CEP41: variants seen among roughly 807,000 people sequenced by gnomAD.
CEP41 encodes centrosomal protein 41.
A neutral mutation model predicts 44.3 loss-of-function variants in CEP41; 32 were observed. The ratio of observed to expected loss-of-function variants is 0.72; its 90% CI spans 0.54 to 0.97. The LOEUF is 0.97. CEP41 is among the 50% of genes least tolerant of loss of function. The pLI is 0.00. For missense variants in CEP41, 432 were observed against 455.2 expected (o/e 0.95, Z 0.46); for synonymous variants, 151 against 168.5 (o/e 0.90, Z 0.80).
chr7:130,426,569 C>G, intron 2 of CEP41: 1 of 437,994 alleles, frequency 2.3e-6, no homozygotes, highest in Non-Finnish European at 4.5e-6. Flanking sequence ...TTATAGTAGT[C>G]TGTAAAATAA....
rs1554416620 is a variant in CEP41, at chr7:130,400,616, A to C, written c.757+91T>G. Reference sequence around the variant, plus strand: ...GGCTTTTTCTCTTTCCAGAACACTGAATTCTGAGCACCAAGAGAGAAAAGG... The same window carrying C: ...GGCTTTTTCTCTTTCCAGAACACTGCATTCTGAGCACCAAGAGAGAAAAGG... On this transcript the variant is annotated intron_variant, in intron 9 of 10. Transcript: ENST00000223208. 4.7e-6 allele frequency: 4 copies of C among 852,580 alleles called. No individual in the cohort carries two copies. In the African/African-American group the frequency reaches 5.0e-5, roughly 11 times the overall value. The allele number at this position is 852,580 out of a possible 1,614,324, so 52.8% of individuals were successfully genotyped here.
chr7:130,436,567 T>G (rs1225645225), intron 1 of CEP41, among the ~76,000 whole-genome samples: 1 of 148,598 alleles, frequency 6.7e-6, no homozygotes, highest in African/African-American at 2.5e-5. Context: ...TTTTCTAGTT[T>G]GATACTGTAC....
At position 130,402,695 on chromosome 7, in the gene CEP41, A is replaced by G; in HGVS notation, c.527T>C (p.Leu176Pro). ...GTAAGAATCTCTATCACGCACATCT[A>G]GCAGCAGGAAGGGGCAGTCAGGATA... ...KPYPDCPFLL[L>P]DVRDRDSYQQ... Residue 176 changes from leucine (L) to proline (P), a missense_variant, in exon 7 of 11, where the codon CTA becomes CCA. Transcript: ENST00000223208. The G allele has an allele frequency of 6.2e-7, 1 of 1,614,160 alleles. No homozygotes were observed. The highest frequency in any genetic ancestry group is 8.5e-7 in the Non-Finnish European group (1 of 1,180,022).
intron 2 of CEP41, among the ~76,000 whole-genome samples, chr7:130,424,914 AAGT>A (rs1797617303): frequency 6.6e-6 from 1 of 152,246 alleles, no homozygotes; most frequent in Admixed American, 6.5e-5. Flanking sequence ...ATGAAAAGAC[AAGT>A]TATGAACTAG....
chr7:130,418,645 T>C (rs1554421412), intron 2 of CEP41, among the ~76,000 whole-genome samples: 1 of 152,210 alleles, frequency 6.6e-6, no homozygotes, highest in Non-Finnish European at 1.5e-5. Flanking sequence ...ACCTGATTTG[T>C]CTGGTGGCAT....
chr7:130,425,991 G>A (rs1002074921), intron 2 of CEP41, among the ~76,000 whole-genome samples: 13 of 152,238 alleles, frequency 8.5e-5, no homozygotes, highest in African/African-American at 2.4e-4. Context: ...GGGCTAAGGG[G>A]TGGGAGTAGA....
Position 130,402,657 on chromosome 7 carries a change from T to C in CEP41, c.565A>G (p.Ile189Val), listed in dbSNP as rs782591147. The change falls in exon 7 of 11, where the codon ATT becomes GTT. Residue 189 changes from isoleucine to valine, a missense_variant. Coordinates refer to ENST00000223208, the MANE Select transcript of CEP41 (RefSeq NM_018718.3). Reference sequence around the variant, plus strand: ...GCCTTCTCTCTCTTACCTCCAACAATGTGGCACTGCTGGTAAGAATCTCTA... The same window carrying C: ...GCCTTCTCTCTCTTACCTCCAACAACGTGGCACTGCTGGTAAGAATCTCTA... The part of the protein sequence containing the change: ...RDRDSYQQCH[I>V]VGAYSYPIAT... 2.5e-6 allele frequency: 4 copies of C among 1,613,958 alleles called. No individual in the cohort carries two copies. The highest frequency in any genetic ancestry group is 2.7e-5 in the African/African-American group (2 of 74,896).
chr7:130,395,000 G>A lies in CEP41; in HGVS notation c.*3891C>T. ...AACAAAGAGGATCAGCAACAGAGAGGGGAGCCATCAGGGGATCACAATGTG... is the reference window on the plus strand; with the variant it reads ...AACAAAGAGGATCAGCAACAGAGAGAGGAGCCATCAGGGGATCACAATGTG... On this transcript the variant is annotated 3_prime_UTR_variant, in exon 11 of 11. Coordinates refer to ENST00000223208, the MANE Select transcript of CEP41 (RefSeq NM_018718.3). 1 of 454,060 alleles carries A rather than the reference G, an allele frequency of 2.2e-6. No homozygotes were observed. The allele number at this position is 454,060 out of a possible 1,614,324, so 28.1% of individuals were successfully genotyped here. A position where few individuals can be genotyped will look rare whatever the true frequency, so the allele number is the denominator to read the frequency against.
At chr7:130,399,649 C>T (rs868912709) in intron 10 of CEP41, 65 of 250,228 alleles carry the variant, frequency 2.6e-4, no homozygotes, top group African/African-American at 1.4e-3. Context: ...GAAACCCTGT[C>T]TCTACTTAAA....
rs563171867 is a variant in CEP41 at position 130,422,957 on chromosome 7, A to AT, written c.97+4997dup. Among the ~76,000 whole-genome samples the AT allele has an allele frequency of 2.2e-3, 335 of 152,200 alleles. 1 individual carries two copies. Among genetic ancestry groups the AT allele is most frequent in the Middle Eastern group, 0.014 (4 of 294 alleles). On this transcript the variant is annotated intron_variant, in intron 2 of 10. Coordinates refer to ENST00000223208, the MANE Select transcript of CEP41 (RefSeq NM_018718.3). ...ATAAAACAACTCTTTTTTTATTTTT[A>AT]TTTTTTGGAGACGGAGTCTCGCTCT...
At chr7:130,402,521 T>C in intron 7 of CEP41, 127 bp downstream of exon 7, 1 of 1,029,120 alleles carries the variant, frequency 9.7e-7, no homozygotes, top group African/African-American at 1.6e-5. Context: ...TAGGATTCCA[T>C]AATGGATCCA....
chr7:130,416,874 AAC>A, intron 3 of CEP41, 43 bp downstream of exon 3: 1 of 1,406,422 alleles, frequency 7.1e-7, no homozygotes, highest in Admixed American at 1.7e-5. Context: ...TTTATAGAAC[AAC>A]TATAGACTTC....
chr7:130,429,007 C>T (rs1402405681), intron 1 of CEP41, among the ~76,000 whole-genome samples: 1 of 152,138 alleles, frequency 6.6e-6, no homozygotes, highest in African/African-American at 2.4e-5. Flanking sequence ...CTGTTGCAAC[C>T]CACTGTAAGT....
At chr7:130,400,987 T>TG in intron 8 of CEP41, 166 bp from the exon 9 acceptor site, 1 of 634,632 alleles carries the variant, frequency 1.6e-6, no homozygotes, top group Non-Finnish European at 2.8e-6. Flanking sequence ...TTTCCCATCA[T>TG]GGAAACCACA....
At chr7:130,412,511 C>G (rs1797214049) in intron 3 of CEP41, among the ~76,000 whole-genome samples, 1 of 152,180 alleles carries the variant, frequency 6.6e-6, no homozygotes, top group African/African-American at 2.4e-5. Context: ...TTTTATTAGT[C>G]TACCATTTTC....
At position 130,394,454 on chromosome 7, in the gene CEP41, G is replaced by C. The variant is rs1796604598; in HGVS notation, c.*4437C>G. On this transcript the variant is annotated 3_prime_UTR_variant, in exon 11 of 11. Transcript: ENST00000223208. Reference sequence around the variant, plus strand: ...TATTTTCTGGAAATCTTCAAGATTTGAAACAAAAGAGAAAACCTACTCTTA... The same window carrying C: ...TATTTTCTGGAAATCTTCAAGATTTCAAACAAAAGAGAAAACCTACTCTTA... The C allele has an allele frequency of 2.2e-6, 1 of 454,058 alleles. No homozygotes were observed. The allele number at this position is 454,058 out of a possible 1,614,324, so 28.1% of individuals were successfully genotyped here.
chr7:130,440,904 C>T (rs782161583), intron 1 of CEP41, 30 bp downstream of exon 1: 1 of 1,609,314 alleles, frequency 6.2e-7, no homozygotes, highest in Admixed American at 1.7e-5. Context: ...CCCGCCCCCT[C>T]CGGCTCTCCG....
chr7:130,393,827 T>A lies in CEP41; in HGVS notation c.*5064A>T, dbSNP rs1262378895. ...TAGACCTATCAGGAAAACAGCCTAC[T>A]TTTTTCCCCCTACAATATAATTAAA... On this transcript the variant is annotated 3_prime_UTR_variant, in exon 11 of 11. Transcript: ENST00000223208. 1.5e-5 allele frequency: 7 copies of A among 453,616 alleles called. No homozygotes were observed. The highest frequency in any genetic ancestry group is 2.6e-5 in the Non-Finnish European group (6 of 226,786). 28.1% of individuals were successfully genotyped at this position (453,616 alleles called of 1,614,324 possible). A position where few individuals can be genotyped will look rare whatever the true frequency, so the allele number is the denominator to read the frequency against.
chr7:130,416,814 A>G, intron 3 of CEP41, 105 bp downstream of exon 3: 1 of 905,284 alleles, frequency 1.1e-6, no homozygotes, highest in Non-Finnish European at 1.9e-6. Context: ...GACCATCCAT[A>G]GCTCTCTGTG....
Sources: gnomAD v4.1 joint callset for allele counts (sites outside exome capture counted in the v4.1 genomes callset) on GRCh38, gnomAD v4.1.1 for gene constraint, MANE v1.5 for transcripts, NCBI Gene and HGNC (gene_info 2026-07-23, HGNC 2026-07-21) for gene names.